Variants in TTC28 observed in about 807,000 individuals in gnomAD.
TTC28 encodes the protein tetratricopeptide repeat protein 28.
Under a neutral mutation model 198.0 loss-of-function variants are expected in TTC28, and 61 were observed. That is an observed-to-expected ratio of 0.31 (90% confidence interval 0.25 to 0.38). TTC28 has a LOEUF of 0.38. Among genes scored for constraint, TTC28 ranks in the 10% least tolerant of loss-of-function variants. The probability of loss-of-function intolerance (pLI) is 1.00; values close to 1 mark genes in which losing one functional copy is unlikely to be tolerated. For missense variants in TTC28, 2,678 were observed against 3,164.0 expected, an observed-to-expected ratio of 0.85 and a Z score of 3.69; for synonymous variants, 1,171 against 1,297.8, an observed-to-expected ratio of 0.90 and a Z score of 2.10.
At chr22:28,210,891 G>A (rs1241329345) in intron 5 of TTC28, among the ~76,000 whole-genome samples, 1 of 152,116 alleles carries the variant, frequency 6.6e-6, no homozygotes, top group Non-Finnish European at 1.5e-5. Context: ...CAGAGAGAAA[G>A]GTCGGGTTAT....
intron 10 of TTC28, 66 bp downstream of exon 10, chr22:28,098,841 AACTTGGAC>A (rs1226354525): frequency 1.3e-6 from 2 of 1,501,036 alleles, no homozygotes; most frequent in Non-Finnish European, 1.8e-6. Flanking sequence ...GTCACTAAAC[AACTTGGAC>A]ACATGGACGC....
chr22:28,256,445 G>C (rs1431434490), intron 5 of TTC28, among the ~76,000 whole-genome samples: 1 of 149,606 alleles, frequency 6.7e-6, no homozygotes, highest in East Asian at 1.9e-4. Flanking sequence ...AAAAATACGA[G>C]AGACTTGAAC....
chr22:28,637,969 T>A (rs1284996586), intron 1 of TTC28, among the ~76,000 whole-genome samples: 1 of 152,142 alleles, frequency 6.6e-6, no homozygotes, highest in Admixed American at 6.5e-5. Flanking sequence ...ACAAAATAAT[T>A]GTTTAATTAT....
chr22:28,085,582 G>A (rs111249154), intron 12 of TTC28, among the ~76,000 whole-genome samples: 1 of 152,136 alleles, frequency 6.6e-6, no homozygotes. Flanking sequence ...GACCATCGAG[G>A]CTAGGAAGAA....
intron 2 of TTC28, among the ~76,000 whole-genome samples, chr22:28,402,254 G>A (rs895279338): frequency 5.9e-5 from 9 of 152,152 alleles, no homozygotes; most frequent in African/African-American, 2.2e-4. Flanking sequence ...TGGATGACAC[G>A]GAAAAACAAG....
chr22:28,046,312 G>T (rs752328418), intron 12 of TTC28, among the ~76,000 whole-genome samples: 1 of 152,228 alleles, frequency 6.6e-6, no homozygotes, highest in Non-Finnish European at 1.5e-5. Flanking sequence ...GCATCAGAGA[G>T]TGCAGGTGCA....
At chr22:28,356,786 T>G (rs762712977) in intron 2 of TTC28, among the ~76,000 whole-genome samples, 3 of 152,212 alleles carry the variant, frequency 2.0e-5, no homozygotes, top group African/African-American at 4.8e-5. Flanking sequence ...GACAAAAAGC[T>G]GGCTCGTAGC....
intron 2 of TTC28, among the ~76,000 whole-genome samples, chr22:28,502,638 G>A (rs12167532): frequency 0.14 from 20,648 of 150,938 alleles, 1,646 homozygotes; most frequent in African/African-American, 0.2. Context: ...GCAGAGCAAG[G>A]CTCCGTCTCA....
chr22:28,270,778 A>G (rs1171325016), intron 5 of TTC28, among the ~76,000 whole-genome samples: 2 of 152,184 alleles, frequency 1.3e-5, no homozygotes, highest in African/African-American at 4.8e-5. Context: ...ACATGCCTAT[A>G]GTCCCAGCTA....
chr22:28,434,898 G>T (rs994830117), intron 2 of TTC28, among the ~76,000 whole-genome samples: 2 of 152,120 alleles, frequency 1.3e-5, no homozygotes, highest in Non-Finnish European at 2.9e-5. Context: ...CAACATCTGT[G>T]CTTCTACAAG....
chr22:28,343,233 A>G (rs1392684833), intron 2 of TTC28, among the ~76,000 whole-genome samples: 1 of 152,210 alleles, frequency 6.6e-6, no homozygotes. Context: ...TGTAACTTTA[A>G]AAGCTTCTGA....
intron 2 of TTC28, among the ~76,000 whole-genome samples, chr22:28,580,844 G>A (rs1382325992): frequency 6.6e-6 from 1 of 152,094 alleles, no homozygotes; most frequent in Non-Finnish European, 1.5e-5. Flanking sequence ...AGCAAAGGCT[G>A]TCTCAGAAAG....
rs1235882261 is a variant in TTC28, at chr22:28,444,242, G to C, written c.382-137599C>G. 2.0e-5 allele frequency among the ~76,000 whole-genome samples: 3 copies of C among 152,212 alleles called. No individual in the cohort carries two copies. The East Asian group carries it at 5.8e-4, about 29-fold the overall frequency. ...TGGGAATATAATGGGTAAACTACTA[G>C]AATACCAACTGATATGCATAATAAT... is the stretch of plus-strand genomic sequence containing the variant. On this transcript the variant is annotated intron_variant, in intron 2 of 22. Transcript: ENST00000397906.
At chr22:28,071,999 G>C (rs1941000900) in intron 12 of TTC28, among the ~76,000 whole-genome samples, 1 of 152,178 alleles carries the variant, frequency 6.6e-6, no homozygotes, top group South Asian at 2.1e-4. Flanking sequence ...TTGGGGTCAA[G>C]TTTTGAGATG....
At chr22:28,450,660 T>G (rs2047765788) in intron 2 of TTC28, among the ~76,000 whole-genome samples, 1 of 152,138 alleles carries the variant, frequency 6.6e-6, no homozygotes. Flanking sequence ...TTACAAATTA[T>G]AAGGGCTGCA....
At chr22:28,518,101 A>G (rs917649443) in intron 2 of TTC28, among the ~76,000 whole-genome samples, 10 of 152,050 alleles carry the variant, frequency 6.6e-5, no homozygotes, top group Non-Finnish European at 1.0e-4. Flanking sequence ...CATCAATGGC[A>G]TATCTACTAT....
intron 5 of TTC28, among the ~76,000 whole-genome samples, chr22:28,183,159 A>G (rs1436219958): frequency 2.6e-5 from 4 of 151,974 alleles, no homozygotes; most frequent in Admixed American, 6.6e-5. Flanking sequence ...CTTGGGTTCA[A>G]GTGGTTCCCC....
At chr22:28,240,347 G>A (rs973536683) in intron 5 of TTC28, among the ~76,000 whole-genome samples, 1 of 152,150 alleles carries the variant, frequency 6.6e-6, no homozygotes, top group Non-Finnish European at 1.5e-5. Flanking sequence ...AGACTAGAAA[G>A]AATTCTGCTG....
At chr22:28,528,706 T>C (rs1173247576) in intron 2 of TTC28, among the ~76,000 whole-genome samples, 2 of 139,146 alleles carry the variant, frequency 1.4e-5, no homozygotes, top group East Asian at 2.1e-4. Flanking sequence ...ACTGCATTCC[T>C]GATTGGGCAA....
Sources: gnomAD v4.1 joint callset for allele counts (sites outside exome capture counted in the v4.1 genomes callset) on GRCh38, gnomAD v4.1.1 for gene constraint, MANE v1.5 for transcripts, NCBI Gene and HGNC (gene_info 2026-07-23, HGNC 2026-07-21) for gene names.